The following PANX1 variants were observed in gnomAD, a reference collection of about 807,000 sequenced individuals.
The protein encoded by PANX1 is pannexin-1.
Under a neutral mutation model 38.7 loss-of-function variants are expected in PANX1, and 30 were observed. The ratio of observed to expected loss-of-function variants is 0.78; its 90% CI spans 0.58 to 1.05. The LOEUF (loss-of-function observed/expected upper bound fraction) is 1.05, where lower values mean the gene tolerates loss of function less well. Ranked by LOEUF, PANX1 falls within the 50% of genes least tolerant of loss-of-function variation. The pLI is 0.00. For synonymous variants in PANX1, 230 were observed against 212.2 expected (o/e 1.08, Z -0.73); for missense variants, 551 against 517.2 (o/e 1.07, Z -0.63).
Position 94,178,549 on chromosome 11 carries a change from G to T in PANX1, c.502G>T (p.Gly168Ter), listed in dbSNP as rs1947263441. The change falls in exon 3 of 5, where the codon GGA becomes TGA. Residue 168 changes from glycine (G) to a stop codon, truncating the protein, a stop_gained. Coordinates refer to ENST00000227638, the MANE Select transcript of PANX1 (RefSeq NM_015368.4). LOFTEE classifies it high-confidence loss of function. ...KSARDLDMRD[G>*]ACSVPGVTEN... The stretch of plus-strand genomic sequence containing the variant: ...TGCGCGTGACCTTGACATGAGAGAT[G>T]GAGCCTGCTCAGTTCCAGGTGTTAC... 1.2e-6 allele frequency: 2 copies of T among 1,614,110 alleles called. No homozygotes were observed. The highest frequency in any genetic ancestry group is 2.7e-5 in the African/African-American group (2 of 75,032).
In PANX1 at chr11:94,129,001, G is replaced by GGAGAGGCGCGAATCCGAGTGCCGCGCGC. The variant is rs1946588636; in HGVS notation, c.-310_-283dup. ...TGGTTCCCGCGCCTGGGGGTGCGCG[G>GGAGAGGCGCGAATCCGAGTGCCGCGCGC]GAGAGGCGCGAATCCGAGTGCCGCG... On this transcript the variant is annotated 5_prime_UTR_variant, in exon 1 of 5. An upstream open reading frame in the 5' UTR loses its in-frame stop. Coordinates refer to ENST00000227638, the MANE Select transcript of PANX1 (RefSeq NM_015368.4). 4.4e-6 allele frequency: 1 copy of GGAGAGGCGCGAATCCGAGTGCCGCGCGC among 225,588 alleles called. No homozygotes were observed. The highest frequency in any genetic ancestry group is 2.3e-5 in the African/African-American group (1 of 43,736). The allele number at this position is 225,588 out of a possible 1,614,324, so 14.0% of individuals were successfully genotyped here. A position where few individuals can be genotyped will look rare whatever the true frequency, so the allele number is the denominator to read the frequency against.
At chr11:94,178,663 G>T (rs1370089879) in intron 3 of PANX1, 71 bp downstream of exon 3, 54 of 1,213,950 alleles carry the variant, frequency 4.4e-5, no homozygotes, top group Admixed American at 7.2e-5. Flanking sequence ...CTGCCAGTCT[G>T]GGCCCAGAGT....
chr11:94,169,246 G>A (rs1947136838), intron 2 of PANX1, among the ~76,000 whole-genome samples: 1 of 151,544 alleles, frequency 6.6e-6, no homozygotes, highest in African/African-American at 2.4e-5. Flanking sequence ...AGAGGGTGGG[G>A]TAGGACCAGT....
intron 1 of PANX1, among the ~76,000 whole-genome samples, chr11:94,137,812 T>G (rs958734746): frequency 7.4e-6 from 1 of 135,020 alleles, no homozygotes; most frequent in Non-Finnish European, 1.5e-5. Context: ...ATATGGAAAA[T>G]ACAGAAGAGA....
chr11:94,168,999 T>A (rs886851629), intron 2 of PANX1, among the ~76,000 whole-genome samples: 15 of 151,514 alleles, frequency 9.9e-5, no homozygotes, highest in Non-Finnish European at 1.9e-4. Flanking sequence ...GAAGCAGATT[T>A]TGGAGGAAAA....
At chr11:94,153,393 G>C in intron 1 of PANX1, 98 bp from the exon 2 acceptor site, 1 of 1,225,574 alleles carries the variant, frequency 8.2e-7, no homozygotes, top group Non-Finnish European at 1.2e-6. Context: ...TCCTGTCCTG[G>C]TGCTCCCTAA....
In PANX1 at chr11:94,181,179, C is replaced by G. The variant is rs534921863; in HGVS notation, c.*310C>G. ...AAGAGCAGTAGCCCTGTCAGAGCCT[C>G]GGAGCAATACCTTTCTGTACCCGTG... On this transcript the variant is annotated 3_prime_UTR_variant, in exon 5 of 5. Transcript: ENST00000227638. 7.1e-6 allele frequency: 2 copies of G among 282,764 alleles called. No individual in the cohort carries two copies. Among genetic ancestry groups the G allele is most frequent in the South Asian group, 1.6e-4 (2 of 12,474 alleles). The allele number at this position is 282,764 out of a possible 1,614,324, so 17.5% of individuals were successfully genotyped here. A position where few individuals can be genotyped will look rare whatever the true frequency, so the allele number is the denominator to read the frequency against.
At chr11:94,162,494 C>G (rs12285991) in intron 2 of PANX1, among the ~76,000 whole-genome samples, 2 of 152,200 alleles carry the variant, frequency 1.3e-5, no homozygotes, top group Non-Finnish European at 2.9e-5. Context: ...AGCGAGGCTC[C>G]GTGGGCGTAG....
At chr11:94,154,031 A>ACAG (rs1353322377) in intron 2 of PANX1, among the ~76,000 whole-genome samples, 1 of 152,216 alleles carries the variant, frequency 6.6e-6, no homozygotes, top group Non-Finnish European at 1.5e-5. Flanking sequence ...TCTACCACAC[A>ACAG]CAGGGTCTCT....
intron 2 of PANX1, among the ~76,000 whole-genome samples, chr11:94,158,877 C>G (rs1449431092): frequency 2.6e-5 from 4 of 152,264 alleles, no homozygotes; most frequent in Middle Eastern, 3.4e-3. Flanking sequence ...ATGATATCAG[C>G]TGTGGGTTTG....
chr11:94,157,302 G>A (rs1470502296), intron 2 of PANX1, among the ~76,000 whole-genome samples: 1 of 152,114 alleles, frequency 6.6e-6, no homozygotes, highest in Non-Finnish European at 1.5e-5. Flanking sequence ...GATCCCTGAG[G>A]AATCGCCACA....
chr11:94,179,778 C>CA lies in PANX1; in HGVS notation c.723dup (p.Asp242ArgfsTer39). 3 of 1,614,166 alleles carry CA rather than the reference C, an allele frequency of 1.9e-6. No individual in the cohort carries two copies. The South Asian group carries it at 3.3e-5, about 18-fold the overall frequency. On this transcript the variant is annotated frameshift_variant, in exon 4 of 5. Coordinates refer to ENST00000227638, the MANE Select transcript of PANX1 (RefSeq NM_015368.4). LOFTEE classifies it high-confidence loss of function. ...TATTACTTCAGCCTCTCCTCACTCT[C>CA]AGACGAGTTTGTGTGCAGCATCAAA...
At chr11:94,165,852 G>C (rs886110551) in intron 2 of PANX1, among the ~76,000 whole-genome samples, 4 of 152,188 alleles carry the variant, frequency 2.6e-5, no homozygotes, top group African/African-American at 9.7e-5. Context: ...GGCAGAGGTT[G>C]CAGTGAGCTG....
chr11:94,170,382 C>T (rs1319327015), intron 2 of PANX1, among the ~76,000 whole-genome samples: 1 of 151,840 alleles, frequency 6.6e-6, no homozygotes, highest in Non-Finnish European at 1.5e-5. Flanking sequence ...TGGTGACATA[C>T]ATCAGAATCT....
At chr11:94,175,057 A>T (rs1235177968) in intron 2 of PANX1, among the ~76,000 whole-genome samples, 1 of 151,724 alleles carries the variant, frequency 6.6e-6, no homozygotes, top group East Asian at 1.9e-4. Context: ...GCTTCAAGAG[A>T]TGCTGAGCAT....
intron 2 of PANX1, among the ~76,000 whole-genome samples, chr11:94,156,674 G>A (rs1946951948): frequency 6.6e-6 from 1 of 151,280 alleles, no homozygotes; most frequent in Non-Finnish European, 1.5e-5. Context: ...TTTTCTGGGT[G>A]TGATTATCAT....
intron 1 of PANX1, among the ~76,000 whole-genome samples, chr11:94,141,764 A>T (rs866179264): frequency 2.0e-5 from 3 of 152,160 alleles, no homozygotes; most frequent in Non-Finnish European, 4.4e-5. Context: ...GCACACATTG[A>T]CTGTGAGACC....
intron 1 of PANX1, among the ~76,000 whole-genome samples, chr11:94,153,033 C>G (rs1182632069): frequency 6.6e-6 from 1 of 152,174 alleles, no homozygotes; most frequent in African/African-American, 2.4e-5. Context: ...CTTCAGCTTT[C>G]TCTTCCTCAG....
At position 94,138,439 on chromosome 11, in the gene PANX1, C is replaced by G. The variant is rs1431919383; in HGVS notation, c.181+8946C>G. Among the ~76,000 whole-genome samples the G allele has an allele frequency of 3.9e-5, 6 of 151,984 alleles. No homozygotes were observed. The East Asian group carries it at 1.2e-3, about 29-fold the overall frequency. On this transcript the variant is annotated intron_variant, in intron 1 of 4. Coordinates refer to ENST00000227638, the MANE Select transcript of PANX1 (RefSeq NM_015368.4). ...ATGTTTCAAATATTTTCTAGCTAGC[C>G]TTTATTGTATTTTCTTTTCCGGTTG...
Sources: allele counts gnomAD v4.1 joint callset (sites outside exome capture counted in the v4.1 genomes callset), GRCh38; gene constraint gnomAD v4.1.1; transcripts MANE v1.5; gene names NCBI Gene and HGNC (gene_info 2026-07-23, HGNC 2026-07-21).